The following KIF11 variants were observed in gnomAD, a reference collection of about 807,000 sequenced individuals.
The protein encoded by KIF11 is kinesin family member 11.
Under a neutral mutation model 121.0 loss-of-function variants are expected in KIF11, and 9 were observed. The observed-to-expected ratio is 0.07, with a 90% CI of 0.04 to 0.13. The LOEUF is 0.13. Among genes scored for constraint, KIF11 ranks in the 10% least tolerant of loss-of-function variants. The probability of loss-of-function intolerance (pLI) is 1.00; values close to 1 mark genes in which losing one functional copy is unlikely to be tolerated. For synonymous variants in KIF11, 408 were observed against 421.0 expected, an observed-to-expected ratio of 0.97 and a Z score of 0.38; for missense variants, 846 against 1,217.5, an observed-to-expected ratio of 0.69 and a Z score of 4.54.
rs368046931 is a variant in KIF11, at chr10:92,603,263, C to CTTTTTTTTTTTTT, written c.78-2995_78-2983dup. Reference sequence around the variant, plus strand: ...CCCTTAAACTGCTTTCTTTTCTTTTCTTTTTTTTTTTTTTTTTTTGAGACA... The same window carrying CTTTTTTTTTTTTT: ...CCCTTAAACTGCTTTCTTTTCTTTTCTTTTTTTTTTTTTTTTTTTTTTTTTTTTTTTTGAGACA... On this transcript the variant is annotated intron_variant, in intron 1 of 21. Transcript: ENST00000260731. Among the ~76,000 whole-genome samples, 91 of 109,150 alleles carry CTTTTTTTTTTTTT rather than the reference C, an allele frequency of 8.3e-4. 1 individual carries two copies. The highest frequency in any genetic ancestry group is 2.0e-3 in the East Asian group (7 of 3,544). 71.6% of individuals were successfully genotyped at this position (109,150 alleles called of 152,430 possible).
Position 92,633,789 on chromosome 10 carries a change from A to T in KIF11, c.1869A>T (p.Glu623Asp). 6.4e-7 allele frequency: 1 copy of T among 1,565,250 alleles called. No individual in the cohort carries two copies. Among genetic ancestry groups the T allele is most frequent in the South Asian group, 1.2e-5 (1 of 86,950 alleles). Residue 623 changes from glutamate (E) to aspartate (D), a missense_variant, in exon 14 of 22, where the codon GAA (glutamate) becomes GAT (aspartate). By Grantham distance (45) the Glu-to-Asp change is conservative. Transcript: ENST00000260731. ...CAGAAAGTAAAACTGTACTACAGGA[A>T]TTGATTGTTAGTACATCCTTTAAAA... ...LAAESKTVLQ[E>D]LINVLKTDLL...
chr10:92,643,685 T>C (rs1844890226), intron 17 of KIF11, among the ~76,000 whole-genome samples: 1 of 151,664 alleles, frequency 6.6e-6, no homozygotes, highest in Admixed American at 6.6e-5. Context: ...GCCTCCCAAG[T>C]AGCTGGGATT....
At chr10:92,597,791 A>G (rs1327440416) in intron 1 of KIF11, among the ~76,000 whole-genome samples, 3 of 151,726 alleles carry the variant, frequency 2.0e-5, no homozygotes, top group Non-Finnish European at 4.4e-5. Flanking sequence ...AGCTGGGATT[A>G]CAGGCATGCG....
At position 92,637,313 on chromosome 10, in the gene KIF11, A is replaced by G. The variant is rs775990742; in HGVS notation, c.2001+4A>G. ...TTCATTGACAGTGGCCGATAAGGTAACAAATGCTATGTTCTTAATATCTCA... is the reference window on the plus strand; with the variant it reads ...TTCATTGACAGTGGCCGATAAGGTAGCAAATGCTATGTTCTTAATATCTCA... On this transcript the variant is annotated splice_donor_region_variant and intron_variant, in intron 15 of 21. Transcript: ENST00000260731. 1.1e-5 allele frequency: 18 copies of G among 1,591,412 alleles called. No homozygotes were observed. The highest frequency in any genetic ancestry group is 1.5e-5 in the Non-Finnish European group (18 of 1,175,112).
At chr10:92,609,583 T>A (rs1844472654) in intron 6 of KIF11, 74 bp downstream of exon 6, 2 of 1,479,392 alleles carry the variant, frequency 1.4e-6, no homozygotes, top group Admixed American at 4.2e-5. Flanking sequence ...AAAGTCAAAT[T>A]GGGGTGGGTC....
At chr10:92,614,021 T>TACACAC (rs71028831) in intron 8 of KIF11, among the ~76,000 whole-genome samples, 299 of 127,012 alleles carry the variant, frequency 2.4e-3, no homozygotes, top group Middle Eastern at 9.3e-3. Context: ...AGTATGTGTA[T>TACACAC]ACACACACAC....
Position 92,630,356 on chromosome 10 carries a change from G to T in KIF11, c.1486G>T (p.Ala496Ser). The T allele has an allele frequency of 6.4e-7, 1 of 1,568,952 alleles. No homozygotes were observed. The highest frequency in any genetic ancestry group is 8.6e-7 in the Non-Finnish European group (1 of 1,163,266). The change falls in exon 12 of 22, where the codon GCC (alanine) becomes TCC (serine). Residue 496 changes from alanine to serine, a missense_variant. By Grantham distance (99) the Ala-to-Ser change is moderately conservative. Coordinates refer to ENST00000260731, the MANE Select transcript of KIF11 (RefSeq NM_004523.4). ...ESTEEKLHDA[A>S]SKLLNTVEET... ...TACTGAGGAGAAACTTCATGATGCT[G>T]CCAGCAAGGTTTGTCCCTTGTGTTG... is the stretch of plus-strand genomic sequence containing the variant.
rs1378464412 is a variant in KIF11, at chr10:92,653,981, T to TA, written c.*185_*186insA. ...GGTGGATTGCTTGAGCCCAGGAGTT[T>TA]GAGACCAGCCTGGCCAACGTGGCAA... is the stretch of plus-strand genomic sequence containing the variant. On this transcript the variant is annotated 3_prime_UTR_variant, in exon 22 of 22. Transcript: ENST00000260731. 2.4e-6 allele frequency: 1 copy of TA among 424,908 alleles called. No individual in the cohort carries two copies. Among genetic ancestry groups the TA allele is most frequent in the African/African-American group, 2.0e-5 (1 of 49,582 alleles). 26.3% of individuals were successfully genotyped at this position (424,908 alleles called of 1,614,324 possible). A position where few individuals can be genotyped will look rare whatever the true frequency, so the allele number is the denominator to read the frequency against.
intron 17 of KIF11, among the ~76,000 whole-genome samples, chr10:92,640,727 GCT>G: frequency 6.6e-6 from 1 of 152,178 alleles, no homozygotes; most frequent in Middle Eastern, 3.4e-3. Flanking sequence ...ACCACGCCCG[GCT>G]CTGTTTTGTT....
intron 1 of KIF11, among the ~76,000 whole-genome samples, chr10:92,594,441 TG>T (rs1360555840): frequency 6.6e-6 from 1 of 152,238 alleles, no homozygotes; most frequent in Admixed American, 6.5e-5. Flanking sequence ...TGTTGTACTC[TG>T]GGGCTTCTGT....
intron 9 of KIF11, among the ~76,000 whole-genome samples, chr10:92,617,545 AATTTCTGGGTTGT>A (rs976455128): frequency 6.6e-6 from 1 of 151,886 alleles, no homozygotes; most frequent in African/African-American, 2.4e-5. Context: ...CTAGGGATTT[AATTTCTGGGTTGT>A]ATAGTAAGTT....
rs760563813 is a variant in KIF11 at position 92,653,840 on chromosome 10, A to T, written c.*44A>T. ...ATTTTATTTTTAAAGAAAACTTAAA[A>T]ATAAAACCTGAAACCCCAGAACTTG... On this transcript the variant is annotated 3_prime_UTR_variant, in exon 22 of 22. Transcript: ENST00000260731. 19 of 1,559,004 alleles carry T rather than the reference A, an allele frequency of 1.2e-5. No homozygotes were observed. Among genetic ancestry groups the T allele is most frequent in the South Asian group, 3.4e-5 (3 of 87,180 alleles).
chr10:92,649,664 A>G (rs1374209029), intron 19 of KIF11, among the ~76,000 whole-genome samples, 171 bp from the exon 20 acceptor site: 2 of 152,236 alleles, frequency 1.3e-5, no homozygotes, highest in Admixed American at 1.3e-4. Context: ...CAAATTAGAA[A>G]GTATTGTTAG....
Position 92,650,483 on chromosome 10 carries a change from A to G in KIF11, c.3005A>G (p.Asp1002Gly). ...GAGCCATCTGTAGATGCTGGTGTGGATTGTTCATCAATTGGCGGGGTTCCA... is the reference window on the plus strand; with the variant it reads ...GAGCCATCTGTAGATGCTGGTGTGGGTTGTTCATCAATTGGCGGGGTTCCA... ...SQEPSVDAGVDCSSIGGVPFF... is the reference protein window; with the variant it reads ...SQEPSVDAGVGCSSIGGVPFF... The change falls in exon 21 of 22, where the codon GAT becomes GGT. Residue 1002 changes from aspartate (D) to glycine (G), a missense_variant. Asp to Gly is a moderately conservative substitution (Grantham distance 94). Transcript: ENST00000260731. The G allele has an allele frequency of 6.2e-7, 1 of 1,612,928 alleles. No individual in the cohort carries two copies.
In KIF11 at chr10:92,609,396, A is replaced by G; in HGVS notation, c.585A>G (p.Ile195Met). The change falls in exon 6 of 22, where the codon ATA (isoleucine) becomes ATG (methionine). Residue 195 changes from isoleucine (I) to methionine (M), a missense_variant. This residue lies in a region of KIF11 where 116 missense variants were observed against 285.3 expected (regional missense o/e 0.41). Transcript: ENST00000260731. ...FDDPRNKRGV[I>M]IKGLEEITVH... ...GGTATTTTGGTCAGAGAGGAGTGAT[A>G]ATTAAAGGTTTAGAAGAAATTACAG... The G allele has an allele frequency of 1.2e-6, 2 of 1,612,764 alleles. No individual in the cohort carries two copies. Among genetic ancestry groups the G allele is most frequent in the African/African-American group, 1.3e-5 (1 of 74,738 alleles).
intron 16 of KIF11, among the ~76,000 whole-genome samples, chr10:92,637,955 C>T (rs1165691545): frequency 1.3e-5 from 2 of 152,152 alleles, no homozygotes; most frequent in African/African-American, 4.8e-5. Flanking sequence ...TTATTTCTGT[C>T]TCACTGATAG....
chr10:92,606,452 A>G (rs1844431921), intron 2 of KIF11, 55 bp downstream of exon 2: 4 of 1,433,938 alleles, frequency 2.8e-6, no homozygotes, highest in African/African-American at 1.4e-5. Context: ...ATTTTAATAT[A>G]CATATTTTAC....
rs1359477783 is a variant in KIF11, at chr10:92,613,882, G to A, written c.1032+263G>A. Among the ~76,000 whole-genome samples, 1 of 151,616 alleles carries A rather than the reference G, an allele frequency of 6.6e-6. No individual in the cohort carries two copies. Among genetic ancestry groups the A allele is most frequent in the Non-Finnish European group, 1.5e-5 (1 of 67,950 alleles). On this transcript the variant is annotated intron_variant, in intron 8 of 21. Coordinates refer to ENST00000260731, the MANE Select transcript of KIF11 (RefSeq NM_004523.4). This position sits in a 1 kb window ranked among gnomAD's most constrained non-coding sequence, Gnocchi z 4.2. ...TCCCAGCTACTTGGGGGGCTGAGGT[G>A]GGAGGATCACTTAAGCCTGGGAGGC...
intron 1 of KIF11, among the ~76,000 whole-genome samples, chr10:92,594,024 C>G (rs558994846): frequency 3.9e-5 from 6 of 152,138 alleles, no homozygotes; most frequent in Non-Finnish European, 7.4e-5. Flanking sequence ...CCAAACTAAA[C>G]GGATATTTCG....
Sources: gnomAD v4.1 joint callset for allele counts (sites outside exome capture counted in the v4.1 genomes callset) on GRCh38, gnomAD v4.1.1 for gene constraint, gnomAD v4.1.1 regional missense constraint, Gnocchi (gnomAD v3.1) non-coding constraint, MANE v1.5 for transcripts, NCBI Gene and HGNC (gene_info 2026-07-23, HGNC 2026-07-21) for gene names.